Variants in PSMC3 observed in about 807,000 individuals in gnomAD.
The protein encoded by PSMC3 is proteasome 26S subunit, ATPase 3, also known as 26S proteasome regulatory subunit 6A.
In PSMC3, 11 loss-of-function variants were observed where a neutral mutation model predicts 52.0. That is an observed-to-expected ratio of 0.21 (90% CI 0.13 to 0.35). PSMC3 has a LOEUF of 0.35. Among genes scored for constraint, PSMC3 ranks in the 10% least tolerant of loss-of-function variants. The pLI is 1.00. For missense variants in PSMC3, 238 were observed against 567.1 expected (o/e 0.42, Z 5.89); for synonymous variants, 201 against 218.8 (o/e 0.92, Z 0.72).
chr11:47,426,160 C>T, intron 1 of PSMC3, 45 bp downstream of exon 1: 6 of 1,534,230 alleles, frequency 3.9e-6, no homozygotes, highest in Non-Finnish European at 5.3e-6. Context: ...ATGGCGTCTC[C>T]CTGCGGGCCC....
chr11:47,426,392 C>G lies in PSMC3; in HGVS notation c.-113G>C, dbSNP rs1216588022. The G allele has an allele frequency of 1.0e-6, 1 of 995,000 alleles. No homozygotes were observed. The highest frequency in any genetic ancestry group is 2.8e-5 in the East Asian group (1 of 36,052). The allele number at this position is 995,000 out of a possible 1,614,324, so 61.6% of individuals were successfully genotyped here. On this transcript the variant is annotated 5_prime_UTR_variant, in exon 1 of 12. Coordinates refer to ENST00000298852, the MANE Select transcript of PSMC3 (RefSeq NM_002804.5). ...GTGGAAAACCTCTCCCCACAAATCCCGACTCTTGACCCGACCAGCTCCGGC... is the reference window on the plus strand; with the variant it reads ...GTGGAAAACCTCTCCCCACAAATCCGGACTCTTGACCCGACCAGCTCCGGC...
Position 47,418,935 on chromosome 11 carries a change from G to A in PSMC3, c.1220C>T (p.Ala407Val). The change falls in exon 12 of 12, where the codon GCA becomes GTA. Residue 407 changes from alanine (A) to valine (V), a missense_variant. Ala to Val is a moderately conservative substitution (Grantham distance 64). This residue lies in a region of PSMC3 where 23 missense variants were observed against 64.6 expected (regional missense o/e 0.36). Transcript: ENST00000298852. ...KAVCVEAGMI[A>V]LRRGATELTH... ...GAGCTCCGTGGCACCCCTGCGCAGT[G>A]CGATCATGCCCTACAGCCGGGACAA... 1 of 1,614,128 alleles carries A rather than the reference G, an allele frequency of 6.2e-7. No homozygotes were observed. The highest frequency in any genetic ancestry group is 8.5e-7 in the Non-Finnish European group (1 of 1,179,990).
In PSMC3 at chr11:47,426,389, T is replaced by C; in HGVS notation, c.-110A>G. The C allele has an allele frequency of 9.7e-7, 1 of 1,027,874 alleles. No homozygotes were observed. The highest frequency in any genetic ancestry group is 1.7e-5 in the South Asian group (1 of 58,058). 63.7% of individuals were successfully genotyped at this position (1,027,874 alleles called of 1,614,324 possible). On this transcript the variant is annotated 5_prime_UTR_variant, in exon 1 of 12. Transcript: ENST00000298852. ...CCAGTGGAAAACCTCTCCCCACAAA[T>C]CCCGACTCTTGACCCGACCAGCTCC...
At chr11:47,419,995 GA>G (rs1160138386) in intron 10 of PSMC3, among the ~76,000 whole-genome samples, 1 of 152,194 alleles carries the variant, frequency 6.6e-6, no homozygotes, top group Admixed American at 6.5e-5. Flanking sequence ...GTGAGGCCAG[GA>G]AACTAAGTGC....
chr11:47,425,690 C>T lies in PSMC3; in HGVS notation c.159+177G>A, dbSNP rs2096045564. On this transcript the variant is annotated intron_variant, in intron 2 of 11. Transcript: ENST00000298852. The stretch of plus-strand genomic sequence containing the variant: ...AGCCCAGGCCTCCCACCACCCCCTA[C>T]CTGTCTTCTTGTCCCTTTTAAGGCT... 2.4e-5 allele frequency: 14 copies of T among 592,844 alleles called. 1 individual carries two copies. The South Asian group carries it at 3.2e-4, about 14-fold the overall frequency. The allele number at this position is 592,844 out of a possible 1,614,324, so 36.7% of individuals were successfully genotyped here. A position where few individuals can be genotyped will look rare whatever the true frequency, so the allele number is the denominator to read the frequency against.
chr11:47,426,029 G>A (rs1424009936), intron 1 of PSMC3, 79 bp from the exon 2 acceptor site: 2 of 1,457,728 alleles, frequency 1.4e-6, no homozygotes, highest in Non-Finnish European at 9.5e-7. Context: ...CCCACTCACA[G>A]CCTCAGTTTC....
chr11:47,420,307 G>A lies in PSMC3; in HGVS notation c.1084C>T (p.Arg362Trp), dbSNP rs149054498. The A allele has an allele frequency of 1.2e-6, 2 of 1,614,164 alleles. No homozygotes were observed. The highest frequency in any genetic ancestry group is 8.5e-7 in the Non-Finnish European group (1 of 1,180,022). The change falls in exon 10 of 12, where the codon CGG becomes TGG. Residue 362 changes from arginine to tryptophan, a missense_variant. Physicochemically the swap from Arg to Trp is moderately radical, Grantham distance 101. Coordinates refer to ENST00000298852, the MANE Select transcript of PSMC3 (RefSeq NM_002804.5). Reference sequence around the variant, plus strand: ...GAGTGGATCTGCATGATTCTGGCCCGGGCCTCCTCATTGGGCATCGGGAAC... The same window carrying A: ...GAGTGGATCTGCATGATTCTGGCCCAGGCCTCCTCATTGGGCATCGGGAAC... ...IEFPMPNEEA[R>W]ARIMQIHSRK...
In PSMC3 at chr11:47,426,327, G is replaced by C; in HGVS notation, c.-48C>G. On this transcript the variant is annotated 5_prime_UTR_variant, in exon 1 of 12. Coordinates refer to ENST00000298852, the MANE Select transcript of PSMC3 (RefSeq NM_002804.5). Reference sequence around the variant, plus strand: ...ATGGGACCAGGCGGGAGCCGCAACGGGAGATTAATACCGTCTTTCTTAAAG... The same window carrying C: ...ATGGGACCAGGCGGGAGCCGCAACGCGAGATTAATACCGTCTTTCTTAAAG... 6.8e-7 allele frequency: 1 copy of C among 1,468,966 alleles called. No homozygotes were observed. The highest frequency in any genetic ancestry group is 1.4e-5 in the African/African-American group (1 of 71,126). 91.0% of individuals were successfully genotyped at this position (1,468,966 alleles called of 1,614,324 possible).
At position 47,424,571 on chromosome 11, in the gene PSMC3, C is replaced by T. The variant is rs1410092640; in HGVS notation, c.390+36G>A. 5.0e-6 allele frequency: 8 copies of T among 1,606,130 alleles called. No individual in the cohort carries two copies. Among genetic ancestry groups the T allele is most frequent in the Non-Finnish European group, 5.1e-6 (6 of 1,172,684 alleles). ...AGTCCTGTCCCACATCCGCTCCTCA[C>T]CCTCCTCCAGTCTCTCATTGCTGAG... On this transcript the variant is annotated intron_variant, in intron 4 of 11. Transcript: ENST00000298852. This position sits in a 1 kb window ranked among gnomAD's most constrained non-coding sequence, Gnocchi z 4.8.
At chr11:47,419,732 G>A (rs951726048) in intron 10 of PSMC3, among the ~76,000 whole-genome samples, 9 of 152,006 alleles carry the variant, frequency 5.9e-5, no homozygotes, top group Non-Finnish European at 1.0e-4. Context: ...GGTGGCGGGC[G>A]CCTGTAGTCC....
chr11:47,423,584 C>T (rs2096043207), intron 6 of PSMC3, among the ~76,000 whole-genome samples: 1 of 152,012 alleles, frequency 6.6e-6, no homozygotes, highest in Non-Finnish European at 1.5e-5. Context: ...GTTGGGAGTT[C>T]GAGACCAGCC....
intron 9 of PSMC3, 94 bp from the exon 10 acceptor site, chr11:47,420,503 G>A: frequency 9.1e-6 from 14 of 1,534,178 alleles, no homozygotes; most frequent in Non-Finnish European, 1.2e-5. Context: ...CCAGAGTGCA[G>A]GTGAGACACA....
At chr11:47,423,106 A>C in intron 6 of PSMC3, 133 bp from the exon 7 acceptor site, 10 of 980,314 alleles carry the variant, frequency 1.0e-5, no homozygotes, top group Non-Finnish European at 1.5e-5. Context: ...TCCCCATATC[A>C]AGAGGACACA....
At chr11:47,425,418 AGAG>A in intron 2 of PSMC3, 172 bp from the exon 3 acceptor site, 1 of 759,314 alleles carries the variant, frequency 1.3e-6, no homozygotes, top group Admixed American at 2.8e-5. Context: ...AGAAGTCAAA[AGAG>A]GAGGCCAGTT....
chr11:47,420,178 T>G, intron 10 of PSMC3, 86 bp downstream of exon 10: 1 of 1,516,446 alleles, frequency 6.6e-7, no homozygotes, highest in Non-Finnish European at 9.1e-7. Context: ...TCGTGGAGGC[T>G]GGGGAAGATC....
At chr11:47,426,146 G>C in intron 1 of PSMC3, 59 bp downstream of exon 1, 1 of 1,517,240 alleles carries the variant, frequency 6.6e-7, no homozygotes, top group Non-Finnish European at 8.9e-7. Context: ...CTTCCCTCTT[G>C]TCAATGGCGT....
chr11:47,421,071 G>A (rs1334805517), intron 8 of PSMC3, among the ~76,000 whole-genome samples: 2 of 151,844 alleles, frequency 1.3e-5, no homozygotes, highest in Non-Finnish European at 2.9e-5. Context: ...CAGGTGAGAT[G>A]GTGAAACCCC....
chr11:47,425,396 T>A, intron 2 of PSMC3, 150 bp from the exon 3 acceptor site: 1 of 933,556 alleles, frequency 1.1e-6, no homozygotes, highest in Non-Finnish European at 1.6e-6. Flanking sequence ...TCTGACTGTG[T>A]CCACATCCTG....
At chr11:47,425,425 G>A in intron 2 of PSMC3, 179 bp from the exon 3 acceptor site, 1 of 728,706 alleles carries the variant, frequency 1.4e-6, no homozygotes, top group South Asian at 1.9e-5. Flanking sequence ...AAAAGAGGAG[G>A]CCAGTTTGGA....
Sources: allele counts gnomAD v4.1 joint callset (sites outside exome capture counted in the v4.1 genomes callset), GRCh38; gene constraint gnomAD v4.1.1; regional missense constraint gnomAD v4.1.1; non-coding constraint Gnocchi (gnomAD v3.1); transcripts MANE v1.5; gene names NCBI Gene and HGNC (gene_info 2026-07-23, HGNC 2026-07-21).